Variants in MACROD2 observed in about 807,000 individuals in gnomAD.
The protein encoded by MACROD2 is mono-ADP ribosylhydrolase 2.
In MACROD2, 36 loss-of-function variants were observed where a neutral mutation model predicts 70.4. That is an observed-to-expected ratio of 0.51 (90% CI 0.39 to 0.68). The LOEUF (loss-of-function observed/expected upper bound fraction) is 0.68, where lower values mean the gene tolerates loss of function less well. Among genes scored for constraint, MACROD2 ranks in the 30% least tolerant of loss-of-function variants. The probability of loss-of-function intolerance (pLI) is 0.00; values close to 1 mark genes in which losing one functional copy is unlikely to be tolerated. For synonymous variants in MACROD2, 172 were observed against 178.8 expected, an observed-to-expected ratio of 0.96 and a Z score of 0.30; for missense variants, 496 against 538.4, an observed-to-expected ratio of 0.92 and a Z score of 0.78.
In MACROD2 at chr20:15,925,139, C is replaced by T. The variant is rs544749508; in HGVS notation, c.776-8137C>T. Among the ~76,000 whole-genome samples the T allele has an allele frequency of 9.2e-5, 14 of 152,204 alleles. No homozygotes were observed. In the South Asian group the frequency reaches 2.7e-3, roughly 29 times the overall value. The stretch of plus-strand genomic sequence containing the variant: ...ACTGGCATAATTTATCATCAATTTG[C>T]GAGCACAGAACAACTAGTAGAATAA... On this transcript the variant is annotated intron_variant, in intron 10 of 17. Coordinates refer to ENST00000684519, the MANE Select transcript of MACROD2 (RefSeq NM_001351661.2).
chr20:15,111,431 A>C (rs767806903), intron 5 of MACROD2, among the ~76,000 whole-genome samples: 2 of 152,012 alleles, frequency 1.3e-5, no homozygotes, highest in Non-Finnish European at 2.9e-5. Context: ...TGGCCTCCCA[A>C]AGTGCTGGGA....
intron 5 of MACROD2, among the ~76,000 whole-genome samples, chr20:14,739,415 G>T (rs2071706650): frequency 6.6e-6 from 1 of 151,708 alleles, no homozygotes; most frequent in African/African-American, 2.4e-5. Context: ...AAATATAAAA[G>T]ATTATATATA....
At chr20:14,508,822 C>T (rs538107579) in intron 4 of MACROD2, among the ~76,000 whole-genome samples, 2 of 152,222 alleles carry the variant, frequency 1.3e-5, no homozygotes, top group African/African-American at 2.4e-5. Context: ...CCAGATTCTA[C>T]CTTTGACATT....
At chr20:15,332,321 T>G (rs1200549889) in intron 6 of MACROD2, among the ~76,000 whole-genome samples, 3 of 151,718 alleles carry the variant, frequency 2.0e-5, no homozygotes, top group Admixed American at 6.6e-5. Flanking sequence ...CTAATCAATC[T>G]AAGGCTTTTA....
chr20:14,845,743 A>T (rs1308092564), intron 5 of MACROD2, among the ~76,000 whole-genome samples: 8 of 151,904 alleles, frequency 5.3e-5, no homozygotes, highest in Admixed American at 5.3e-4. Context: ...AGTGCCCCAT[A>T]CCTTCCCCAA....
intron 8 of MACROD2, among the ~76,000 whole-genome samples, chr20:15,765,347 T>C (rs574569286): frequency 6.6e-6 from 1 of 152,190 alleles, no homozygotes; most frequent in Admixed American, 6.5e-5. Flanking sequence ...CTACTCCCAT[T>C]CTTCTGGTTC....
chr20:15,005,602 T>A (rs1271444166), intron 5 of MACROD2, among the ~76,000 whole-genome samples: 2 of 152,202 alleles, frequency 1.3e-5, no homozygotes, highest in Non-Finnish European at 2.9e-5. Flanking sequence ...GAAGCTCATC[T>A]CCTTTATCCC....
intron 5 of MACROD2, among the ~76,000 whole-genome samples, chr20:15,221,700 G>C (rs2076862905): frequency 6.6e-6 from 1 of 152,198 alleles, no homozygotes; most frequent in East Asian, 1.9e-4. Context: ...TTTTAATATA[G>C]AGGATGGCAT....
intron 5 of MACROD2, among the ~76,000 whole-genome samples, chr20:14,996,846 GTT>G (rs199708454): frequency 0.021 from 3,238 of 152,306 alleles, 68 homozygotes; most frequent in Admixed American, 0.047. Context: ...CAGCAGGCGG[GTT>G]TGAGCTAGCT....
At chr20:15,528,724 GT>G (rs11475693) in intron 8 of MACROD2, among the ~76,000 whole-genome samples, 30,678 of 142,868 alleles carry the variant, frequency 0.21, 3,471 homozygotes, top group African/African-American at 0.33. Context: ...CAGTTATGTG[GT>G]TTTTTTTTTT....
chr20:14,973,101 A>G lies in MACROD2; in HGVS notation c.419-256839A>G, dbSNP rs149606599. Among the ~76,000 whole-genome samples the G allele has an allele frequency of 3.9e-5, 6 of 152,308 alleles. No individual in the cohort carries two copies. In the East Asian group the frequency reaches 1.2e-3, roughly 29 times the overall value. On this transcript the variant is annotated intron_variant, in intron 5 of 17. Coordinates refer to ENST00000684519, the MANE Select transcript of MACROD2 (RefSeq NM_001351661.2). ...AAGAAATGAGGCTGAGAAATTTATCATAAATCATACAGTTAATTAAGGGCA... is the reference window on the plus strand; with the variant it reads ...AAGAAATGAGGCTGAGAAATTTATCGTAAATCATACAGTTAATTAAGGGCA...
chr20:15,058,545 A>G (rs1378570297), intron 5 of MACROD2, among the ~76,000 whole-genome samples: 1 of 152,220 alleles, frequency 6.6e-6, no homozygotes, highest in Non-Finnish European at 1.5e-5. Context: ...AACTAGGCAT[A>G]CTGTATTTCT....
intron 5 of MACROD2, among the ~76,000 whole-genome samples, chr20:15,111,378 G>A (rs898566211): frequency 6.6e-6 from 1 of 151,954 alleles, no homozygotes; most frequent in Non-Finnish European, 1.5e-5. Context: ...CACCATGTTG[G>A]CCAGGCTGGT....
chr20:14,942,984 C>T (rs1449515440), intron 5 of MACROD2, among the ~76,000 whole-genome samples: 2 of 152,144 alleles, frequency 1.3e-5, no homozygotes, highest in Non-Finnish European at 2.9e-5. Context: ...ACTATTTTAC[C>T]TGCTGTTTCA....
chr20:14,038,858 T>C (rs2053352134), intron 2 of MACROD2, among the ~76,000 whole-genome samples: 1 of 152,214 alleles, frequency 6.6e-6, no homozygotes, highest in Non-Finnish European at 1.5e-5. Flanking sequence ...TAATTCTGCT[T>C]GTTTCCATAT....
intron 8 of MACROD2, among the ~76,000 whole-genome samples, chr20:15,770,085 TTTTC>T (rs1568550855): frequency 2.5e-5 from 2 of 80,360 alleles, no homozygotes; most frequent in African/African-American, 5.3e-5. Context: ...TTTATTTTAA[TTTTC>T]TTTTTTTTTT....
chr20:14,209,746 T>G (rs2081555763), intron 3 of MACROD2, among the ~76,000 whole-genome samples: 1 of 151,692 alleles, frequency 6.6e-6, no homozygotes, highest in Non-Finnish European at 1.5e-5. Context: ...GCATGGGGGG[T>G]TTTGTCTAGA....
At chr20:15,153,815 T>G (rs768177185) in intron 5 of MACROD2, among the ~76,000 whole-genome samples, 2 of 152,160 alleles carry the variant, frequency 1.3e-5, no homozygotes, top group Non-Finnish European at 2.9e-5. Flanking sequence ...TCTTGTTTCT[T>G]TATCTGTGTG....
At chr20:14,924,473 A>G (rs1249303536) in intron 5 of MACROD2, among the ~76,000 whole-genome samples, 1 of 152,100 alleles carries the variant, frequency 6.6e-6, no homozygotes, top group East Asian at 1.9e-4. Flanking sequence ...AATAAAAAAA[A>G]AGAAAGAAAG....
Sources: allele counts gnomAD v4.1 joint callset (sites outside exome capture counted in the v4.1 genomes callset), GRCh38; gene constraint gnomAD v4.1.1; transcripts MANE v1.5; gene names NCBI Gene and HGNC (gene_info 2026-07-23, HGNC 2026-07-21).